Variants in LRP1B observed in about 807,000 individuals in gnomAD.
LRP1B encodes low-density lipoprotein receptor-related protein 1B.
A neutral mutation model predicts 556.6 loss-of-function variants in LRP1B; 217 were observed. That is an observed-to-expected ratio of 0.39 (90% CI 0.35 to 0.44). The LOEUF is 0.44. Ranked by LOEUF, LRP1B falls within the 20% of genes least tolerant of loss-of-function variation. The probability of loss-of-function intolerance (pLI) is 1.00; values close to 1 mark genes in which losing one functional copy is unlikely to be tolerated. For synonymous variants in LRP1B, 2,047 were observed against 1,865.8 expected (o/e 1.10, Z -2.50); for missense variants, 5,053 against 5,620.8 (o/e 0.90, Z 3.23).
chr2:140,321,856 G>A (rs893408842), intron 82 of LRP1B, 107 bp downstream of exon 82: 1 of 1,091,778 alleles, frequency 9.2e-7, no homozygotes, highest in Non-Finnish European at 1.3e-6. Flanking sequence ...CTGCTATCAA[G>A]GTAGCTAAAC....
chr2:140,858,864 T>G (rs1692699634), intron 27 of LRP1B, among the ~76,000 whole-genome samples: 2 of 152,358 alleles, frequency 1.3e-5, no homozygotes, highest in South Asian at 2.1e-4. Context: ...TTTAGTTTGC[T>G]GAGAATAATG....
intron 68 of LRP1B, 82 bp downstream of exon 68, chr2:140,378,098 C>G: frequency 1.1e-6 from 1 of 892,086 alleles, no homozygotes; most frequent in Non-Finnish European, 1.8e-6. Flanking sequence ...CTGTCCTTGC[C>G]GCACTTATTG....
intron 25 of LRP1B, among the ~76,000 whole-genome samples, chr2:140,876,081 C>T (rs983579216): frequency 2.6e-5 from 4 of 151,032 alleles, no homozygotes; most frequent in Admixed American, 6.6e-5. Context: ...TTGGAGGTTG[C>T]GATATCAGAA....
In LRP1B at chr2:141,162,489, C is replaced by T. The variant is rs116486875; in HGVS notation, c.1013+25932G>A. 9.5e-3 allele frequency among the ~76,000 whole-genome samples: 1,442 copies of T among 152,184 alleles called. 17 individuals carry two copies. The highest frequency in any genetic ancestry group is 0.032 in the African/African-American group (1,341 of 41,536). ...AAACAAGGGAACCAATGTGAGCCTGCATCTCATACTGCCTGCGGTACTATG... is the reference window on the plus strand; with the variant it reads ...AAACAAGGGAACCAATGTGAGCCTGTATCTCATACTGCCTGCGGTACTATG... On this transcript the variant is annotated intron_variant, in intron 7 of 90. Coordinates refer to ENST00000389484, the MANE Select transcript of LRP1B (RefSeq NM_018557.3).
chr2:141,375,294 G>A (rs1044833371), intron 3 of LRP1B, among the ~76,000 whole-genome samples: 1 of 152,088 alleles, frequency 6.6e-6, no homozygotes, highest in African/African-American at 2.4e-5. Context: ...CCTGTTTTTA[G>A]ACCTCAGAGC....
intron 2 of LRP1B, among the ~76,000 whole-genome samples, chr2:141,529,527 CA>C (rs1684800400): frequency 6.6e-6 from 1 of 152,114 alleles, no homozygotes; most frequent in African/African-American, 2.4e-5. Context: ...TCACCTTGAA[CA>C]ACCTTAGAAA....
intron 41 of LRP1B, among the ~76,000 whole-genome samples, chr2:140,608,666 A>G (rs1682957652): frequency 6.6e-6 from 1 of 152,176 alleles, no homozygotes; most frequent in Non-Finnish European, 1.5e-5. Flanking sequence ...CATCTCAAAT[A>G]TTTCCATGTT....
intron 31 of LRP1B, among the ~76,000 whole-genome samples, chr2:140,838,233 AT>A (rs1252551169): frequency 6.6e-6 from 1 of 152,164 alleles, no homozygotes; most frequent in Non-Finnish European, 1.5e-5. Context: ...TCATTTTTCA[AT>A]GTTACATATT....
chr2:141,871,909 A>G (rs145244420), intron 1 of LRP1B, among the ~76,000 whole-genome samples: 3 of 152,060 alleles, frequency 2.0e-5, no homozygotes, highest in Admixed American at 2.0e-4. Context: ...ATGATGTGTA[A>G]CAAGGAGGAA....
At chr2:141,035,756 A>G (rs1470443902) in intron 11 of LRP1B, among the ~76,000 whole-genome samples, 1 of 152,110 alleles carries the variant, frequency 6.6e-6, no homozygotes, top group Non-Finnish European at 1.5e-5. Context: ...TTGTTAAAAA[A>G]ATACAAAATG....
chr2:141,127,843 C>T (rs961580874), intron 7 of LRP1B, among the ~76,000 whole-genome samples: 1 of 152,162 alleles, frequency 6.6e-6, no homozygotes, highest in African/African-American at 2.4e-5. Flanking sequence ...ATCAATTACA[C>T]TCTATTTTCC....
intron 2 of LRP1B, among the ~76,000 whole-genome samples, chr2:141,632,683 C>T (rs1038014842): frequency 6.6e-6 from 1 of 151,044 alleles, no homozygotes; most frequent in Admixed American, 6.6e-5. Flanking sequence ...AACATAATAC[C>T]AAATGGGGTT....
At chr2:141,679,803 T>C (rs2105427696) in intron 2 of LRP1B, among the ~76,000 whole-genome samples, 1 of 152,058 alleles carries the variant, frequency 6.6e-6, no homozygotes, top group South Asian at 2.1e-4. Context: ...AAAAGTATAC[T>C]AATACTTTGA....
At chr2:142,067,557 ATTCACTGTCCATAAT>A (rs1407378516) in intron 1 of LRP1B, among the ~76,000 whole-genome samples, 6 of 151,558 alleles carry the variant, frequency 4.0e-5, no homozygotes, top group Non-Finnish European at 8.9e-5. Context: ...GTCATCCCTT[ATTCACTGTCCATAAT>A]TTCACAAAAG....
intron 1 of LRP1B, among the ~76,000 whole-genome samples, chr2:141,812,982 C>T (rs748737039): frequency 3.3e-5 from 5 of 151,824 alleles, no homozygotes; most frequent in Non-Finnish European, 5.9e-5. Flanking sequence ...TGTGAGCCTG[C>T]TCATGGTGGG....
At chr2:140,451,533 C>A (rs1190239563) in intron 62 of LRP1B, among the ~76,000 whole-genome samples, 1 of 152,164 alleles carries the variant, frequency 6.6e-6, no homozygotes, top group African/African-American at 2.4e-5. Context: ...TGAAGATAAT[C>A]TGCAGTATCT....
At chr2:141,676,000 A>G (rs1302625215) in intron 2 of LRP1B, among the ~76,000 whole-genome samples, 2 of 152,044 alleles carry the variant, frequency 1.3e-5, no homozygotes, top group Admixed American at 1.3e-4. Context: ...ATCTCCCAAA[A>G]ATGGCTACAT....
chr2:141,767,906 C>T (rs1188329901), intron 2 of LRP1B, among the ~76,000 whole-genome samples: 1 of 152,034 alleles, frequency 6.6e-6, no homozygotes, highest in East Asian at 1.9e-4. Context: ...CAAACTGGCA[C>T]ATGTTCAGTA....
At chr2:142,059,278 G>T (rs75292341) in intron 1 of LRP1B, among the ~76,000 whole-genome samples, 1,529 of 152,138 alleles carry the variant, frequency 0.01, 14 homozygotes, top group African/African-American at 0.029. Context: ...AATCTGAAAT[G>T]AGTGAATTTT....
Sources: allele counts gnomAD v4.1 joint callset (sites outside exome capture counted in the v4.1 genomes callset), GRCh38; gene constraint gnomAD v4.1.1; transcripts MANE v1.5; gene names NCBI Gene and HGNC (gene_info 2026-07-23, HGNC 2026-07-21).